RIMS2: variants seen among roughly 807,000 people sequenced by gnomAD.
RIMS2 encodes regulating synaptic membrane exocytosis protein 2.
Under a neutral mutation model 174.4 loss-of-function variants are expected in RIMS2, and 59 were observed. The observed-to-expected ratio is 0.34, with a 90% confidence interval of 0.27 to 0.42. The LOEUF (loss-of-function observed/expected upper bound fraction) is 0.42, where lower values mean the gene tolerates loss of function less well. RIMS2 is among the 10% of genes least tolerant of loss of function. The pLI, the probability that RIMS2 is intolerant of heterozygous loss-of-function variation, is 1.00. For missense variants in RIMS2, 1,620 were observed against 1,666.3 expected (o/e 0.97, Z 0.48); for synonymous variants, 606 against 572.5 (o/e 1.06, Z -0.84).
intron 19 of RIMS2, chr8:104,068,602 A>G: frequency 6.5e-7 from 1 of 1,528,852 alleles, no homozygotes; most frequent in East Asian, 2.3e-5. Context: ...GAACAAGATT[A>G]CCATTCGAAG....
intron 12 of RIMS2, among the ~76,000 whole-genome samples, chr8:103,936,247 A>G (rs1316259399): frequency 6.6e-6 from 1 of 152,174 alleles, no homozygotes; most frequent in African/African-American, 2.4e-5. Context: ...AAAAAATTAT[A>G]GAGTTAAGAT....
At chr8:103,553,127 C>G (rs570129692) in intron 1 of RIMS2, among the ~76,000 whole-genome samples, 17,477 of 151,816 alleles carry the variant, frequency 0.12, 1,349 homozygotes, top group Non-Finnish European at 0.17. Context: ...AATCATGCTG[C>G]TATAAAGACA....
At chr8:103,882,496 A>G (rs1392312978) in intron 3 of RIMS2, among the ~76,000 whole-genome samples, 1 of 151,576 alleles carries the variant, frequency 6.6e-6, no homozygotes, top group Non-Finnish European at 1.5e-5. Flanking sequence ...GTAAGGTACT[A>G]TACCTTAAAG....
intron 3 of RIMS2, among the ~76,000 whole-genome samples, chr8:103,865,136 T>C (rs2099078343): frequency 6.6e-6 from 1 of 151,814 alleles, no homozygotes; most frequent in South Asian, 2.1e-4. Context: ...TGGTAATAAT[T>C]TGTATTATAA....
intron 1 of RIMS2, among the ~76,000 whole-genome samples, chr8:103,620,796 G>T (rs1356810943): frequency 3.9e-5 from 6 of 152,078 alleles, no homozygotes. Flanking sequence ...GCATATAGTG[G>T]TTACTCAGTA....
chr8:104,110,350 T>C (rs1202848384), intron 19 of RIMS2, among the ~76,000 whole-genome samples: 2 of 152,218 alleles, frequency 1.3e-5, no homozygotes, highest in Admixed American at 6.5e-5. Flanking sequence ...TTCAGCCTTA[T>C]ATAAGGCAGA....
chr8:103,650,166 G>A (rs1211345076), intron 1 of RIMS2, among the ~76,000 whole-genome samples: 1 of 152,072 alleles, frequency 6.6e-6, no homozygotes, highest in South Asian at 2.1e-4. Flanking sequence ...AATAGTGATG[G>A]CACTGTTTTG....
At position 103,512,311 on chromosome 8, in the gene RIMS2, C is replaced by T. The variant is rs575198091; in HGVS notation, c.176+11249C>T. ...CCAGATTCACTATCACAAAGCAGGT[C>T]AAAGAAGGGTGGATTTGGAGCTGAG... On this transcript the variant is annotated intron_variant, in intron 1 of 23. Transcript: ENST00000504942. 3.3e-5 allele frequency among the ~76,000 whole-genome samples: 5 copies of T among 152,206 alleles called. No individual in the cohort carries two copies. In the South Asian group the frequency reaches 6.2e-4, roughly 19 times the overall value.
intron 19 of RIMS2, among the ~76,000 whole-genome samples, chr8:104,043,685 TTTAATTATC>T (rs1303527188): frequency 1.3e-5 from 2 of 151,660 alleles, no homozygotes; most frequent in African/African-American, 4.8e-5. Context: ...TGAGAGACAA[TTTAATTATC>T]TTAAGAATTT....
At chr8:104,112,747 G>A (rs1262024303) in intron 19 of RIMS2, among the ~76,000 whole-genome samples, 2 of 152,178 alleles carry the variant, frequency 1.3e-5, no homozygotes, top group Non-Finnish European at 2.9e-5. Context: ...GTCTTCATCT[G>A]TTGTGAGCAC....
intron 1 of RIMS2, among the ~76,000 whole-genome samples, chr8:103,666,902 A>G (rs2096677060): frequency 6.6e-6 from 1 of 152,146 alleles, no homozygotes; most frequent in African/African-American, 2.4e-5. Flanking sequence ...TGTTCTCATA[A>G]TCATGCATTT....
chr8:103,903,161 C>T (rs1280456782), intron 4 of RIMS2, among the ~76,000 whole-genome samples: 1 of 152,066 alleles, frequency 6.6e-6, no homozygotes, highest in Non-Finnish European at 1.5e-5. Flanking sequence ...ATTTAAAACT[C>T]TCAGCAATCT....
At chr8:104,071,234 A>T (rs150012097) in intron 19 of RIMS2, among the ~76,000 whole-genome samples, 164 of 152,332 alleles carry the variant, frequency 1.1e-3, no homozygotes, top group African/African-American at 3.7e-3. Flanking sequence ...AAAGTTTTAT[A>T]TCTTTGACAG....
chr8:103,762,016 G>A (rs572583204), intron 2 of RIMS2, among the ~76,000 whole-genome samples: 1 of 144,496 alleles, frequency 6.9e-6, no homozygotes, highest in South Asian at 2.2e-4. Flanking sequence ...TATACCTAAT[G>A]TAAATTTTTT....
intron 19 of RIMS2, among the ~76,000 whole-genome samples, chr8:104,034,681 G>A (rs549808727): frequency 6.6e-6 from 1 of 151,768 alleles, no homozygotes; most frequent in African/African-American, 2.4e-5. Flanking sequence ...TGTTGGCCAG[G>A]ATGGTCTCAA....
At chr8:103,945,005 T>A (rs1030379964) in intron 14 of RIMS2, among the ~76,000 whole-genome samples, 1 of 152,118 alleles carries the variant, frequency 6.6e-6, no homozygotes, top group East Asian at 1.9e-4. Context: ...TCTACTAATA[T>A]GTTATAAACT....
chr8:104,063,787 A>T (rs1226175252), intron 19 of RIMS2, among the ~76,000 whole-genome samples: 1 of 152,094 alleles, frequency 6.6e-6, no homozygotes, highest in Non-Finnish European at 1.5e-5. Flanking sequence ...TTCCTTGTGG[A>T]TTGTGTCACT....
chr8:103,993,830 C>A (rs2094887406), intron 17 of RIMS2, among the ~76,000 whole-genome samples: 1 of 151,898 alleles, frequency 6.6e-6, no homozygotes, highest in Admixed American at 6.6e-5. Flanking sequence ...AGTTCTCAAC[C>A]AGTCTAGGCC....
chr8:104,241,565 CAT>C (rs2139860657), intron 19 of RIMS2, among the ~76,000 whole-genome samples: 1 of 152,266 alleles, frequency 6.6e-6, no homozygotes, highest in East Asian at 1.9e-4. Context: ...TTAAGAATCT[CAT>C]TTCCTTTCTA....
Sources: allele counts gnomAD v4.1 joint callset (sites outside exome capture counted in the v4.1 genomes callset), GRCh38; gene constraint gnomAD v4.1.1; transcripts MANE v1.5; gene names NCBI Gene and HGNC (gene_info 2026-07-23, HGNC 2026-07-21).